The following WDR86 variants were observed in gnomAD, a reference collection of about 807,000 sequenced individuals.
WDR86 encodes the protein WD repeat-containing protein 86.
A neutral mutation model predicts 36.5 loss-of-function variants in WDR86; 30 were observed. The ratio of observed to expected loss-of-function variants is 0.82; its 90% CI spans 0.61 to 1.11. The LOEUF is 1.11. WDR86 is among the 50% of genes most tolerant of loss of function. WDR86 has a pLI of 0.00. For missense variants in WDR86, 545 were observed against 561.2 expected, an observed-to-expected ratio of 0.97 and a Z score of 0.29; for synonymous variants, 255 against 252.9, an observed-to-expected ratio of 1.01 and a Z score of -0.08.
downstream of WDR86, among the ~76,000 whole-genome samples, chr7:151,371,853 C>T (rs183881595): frequency 6.6e-6 from 1 of 152,242 alleles, no homozygotes. Flanking sequence ...CAATGATCCT[C>T]CTGCCAAGAG....
Position 151,381,456 on chromosome 7 carries a change from T to TCCCG in WDR86, c.*122_*125dup, listed in dbSNP as rs1004154494. ...ACCAGACGCCTGCGACGGGCTCTCC[T>TCCCG]CCCGCCCGGGCTTCCTCGCTCCTCG... On this transcript the variant is annotated 3_prime_UTR_variant, in exon 6 of 6. Coordinates refer to ENST00000334493, the MANE Select transcript of WDR86 (RefSeq NM_198285.3). The surrounding 1 kb of genome is among the most constrained non-coding windows in gnomAD (Gnocchi z 4.8). 2.9e-5 allele frequency: 43 copies of TCCCG among 1,490,042 alleles called. No individual in the cohort carries two copies. In the African/African-American group the frequency reaches 4.5e-4, roughly 16 times the overall value. 92.3% of individuals were successfully genotyped at this position (1,490,042 alleles called of 1,614,324 possible). A position where few individuals can be genotyped will look rare whatever the true frequency, so the allele number is the denominator to read the frequency against.
At chr7:151,387,703 G>A (rs1215979830) in intron 3 of WDR86, among the ~76,000 whole-genome samples, 4 of 152,172 alleles carry the variant, frequency 2.6e-5, no homozygotes, top group Non-Finnish European at 5.9e-5. Context: ...AGGGGTGGGA[G>A]AAGGCTGCAG....
At chr7:151,377,844 TAAAA>T (rs1273696226), downstream of WDR86, 2 of 152,236 alleles carry the variant, frequency 1.3e-5, no homozygotes, top group Non-Finnish European at 2.9e-5. Context: ...CTTAGTTCAG[TAAAA>T]TACGCCCCCG....
chr7:151,372,652 C>T (rs1798016022), downstream of WDR86, among the ~76,000 whole-genome samples: 1 of 152,070 alleles, frequency 6.6e-6, no homozygotes, highest in Non-Finnish European at 1.5e-5. Flanking sequence ...AGTTTCGAAG[C>T]ATTGTTGGGG....
At chr7:151,382,316 T>C (rs1008781761) in intron 4 of WDR86, among the ~76,000 whole-genome samples, 1 of 152,126 alleles carries the variant, frequency 6.6e-6, no homozygotes, top group Non-Finnish European at 1.5e-5. Context: ...CTCGAGTCGC[T>C]TCCCCCCTAC....
chr7:151,385,712 C>T (rs750538364), intron 3 of WDR86, among the ~76,000 whole-genome samples: 2 of 152,122 alleles, frequency 1.3e-5, no homozygotes, highest in East Asian at 3.9e-4. Flanking sequence ...GGGACTGTCA[C>T]GGGGTCACTG....
At chr7:151,396,769 G>A (rs1442357831) in intron 2 of WDR86, among the ~76,000 whole-genome samples, 1 of 152,196 alleles carries the variant, frequency 6.6e-6, no homozygotes, top group African/African-American at 2.4e-5. Flanking sequence ...GGGTGCTTGT[G>A]GGAGGCACAG....
chr7:151,402,070 A>ATATATATATATATAT (rs1554425363), intron 1 of WDR86, among the ~76,000 whole-genome samples: 6 of 50,532 alleles, frequency 1.2e-4, no homozygotes, highest in South Asian at 4.9e-4. Context: ...AAAAAAAAAA[A>ATATATATATATATAT]ATATATATAT....
downstream of WDR86, chr7:151,377,090 C>T (rs190514928): frequency 9.5e-4 from 1,495 of 1,578,936 alleles, 4 homozygotes; most frequent in Non-Finnish European, 1.2e-3. Flanking sequence ...AGACAGAGGC[C>T]GTCAATGAGA....
chr7:151,383,329 C>G (rs200593985), intron 4 of WDR86, among the ~76,000 whole-genome samples: 47 of 152,074 alleles, frequency 3.1e-4, no homozygotes, highest in Non-Finnish European at 5.3e-4. Flanking sequence ...CAAAAATTAG[C>G]TGGGTGTGGT....
Position 151,408,970 on chromosome 7 carries a change from CAAGCGTCTACT to C in WDR86, c.163+446_163+456del, listed in dbSNP as rs1196071872. 5 of 474,242 alleles carry C rather than the reference CAAGCGTCTACT, an allele frequency of 1.1e-5. No homozygotes were observed. The Admixed American group carries it at 1.2e-4, about 11-fold the overall frequency. 29.4% of individuals were successfully genotyped at this position (474,242 alleles called of 1,614,324 possible). A position where few individuals can be genotyped will look rare whatever the true frequency, so the allele number is the denominator to read the frequency against. Reference sequence around the variant, plus strand: ...ACTTCTCCGCACCGCTGGCCCTTAACAAGCGTCTACTGTTGCTGTGAGAGTCGTCAACAGGA... The same window carrying C: ...ACTTCTCCGCACCGCTGGCCCTTAACGTTGCTGTGAGAGTCGTCAACAGGA... On this transcript the variant is annotated intron_variant, in intron 1 of 5. Coordinates refer to ENST00000334493, the MANE Select transcript of WDR86 (RefSeq NM_198285.3).
chr7:151,404,598 G>A lies in WDR86; in HGVS notation c.164-4357C>T, dbSNP rs150027841. Among the ~76,000 whole-genome samples the A allele has an allele frequency of 3.6e-3, 548 of 152,362 alleles. 3 individuals are homozygous for A. The highest frequency in any genetic ancestry group is 0.012 in the African/African-American group (491 of 41,588). On this transcript the variant is annotated intron_variant, in intron 1 of 5. Transcript: ENST00000334493. ...CCCGAGGACCCTAGGACAGAAGAGG[G>A]AAGGCATGGGGGTGGGCTCATCACA...
intron 3 of WDR86, among the ~76,000 whole-genome samples, chr7:151,387,690 C>T (rs1461819771): frequency 7.9e-5 from 12 of 152,128 alleles, no homozygotes; most frequent in Admixed American, 7.9e-4. Context: ...AAGGGAGCCC[C>T]GCAGGGGTGG....
At chr7:151,403,968 G>A (rs1800525857) in intron 1 of WDR86, among the ~76,000 whole-genome samples, 1 of 152,186 alleles carries the variant, frequency 6.6e-6, no homozygotes, top group South Asian at 2.1e-4. Context: ...ACGCATCTCA[G>A]CCCCAGGAAG....
downstream of WDR86, chr7:151,377,588 C>T: frequency 6.3e-6 from 1 of 157,824 alleles, no homozygotes. Flanking sequence ...GCTTCCTCTC[C>T]AGCTGTGGCT....
intron 4 of WDR86, among the ~76,000 whole-genome samples, chr7:151,383,710 C>T (rs1364576881): frequency 9.2e-5 from 14 of 152,220 alleles, no homozygotes; most frequent in South Asian, 4.1e-4. Context: ...TGCCTTCCCC[C>T]CACAAACTCA....
chr7:151,381,486 TCGCCGGC>T lies in WDR86; in HGVS notation c.*89_*95del. On this transcript the variant is annotated 3_prime_UTR_variant, in exon 6 of 6. Coordinates refer to ENST00000334493, the MANE Select transcript of WDR86 (RefSeq NM_198285.3). This position sits in a 1 kb window ranked among gnomAD's most constrained non-coding sequence, Gnocchi z 4.8. ...CCCGGGCTTCCTCGCTCCTCGCCCC[TCGCCGGC>T]CATCGGGCGCCACCACCGCGGGTAG... is the stretch of plus-strand genomic sequence containing the variant. 1 of 1,464,772 alleles carries T rather than the reference TCGCCGGC, an allele frequency of 6.8e-7. No homozygotes were observed. The highest frequency in any genetic ancestry group is 3.0e-5 in the East Asian group (1 of 33,602). 90.7% of individuals were successfully genotyped at this position (1,464,772 alleles called of 1,614,324 possible). A position where few individuals can be genotyped will look rare whatever the true frequency, so the allele number is the denominator to read the frequency against.
intron 3 of WDR86, 193 bp from the exon 4 acceptor site, chr7:151,385,416 A>C: frequency 2.1e-6 from 2 of 966,498 alleles, no homozygotes; most frequent in Non-Finnish European, 3.0e-6. Flanking sequence ...CTCCTGCCCC[A>C]TGGGGCAGCC....
At chr7:151,395,608 T>A (rs1243593145) in intron 3 of WDR86, among the ~76,000 whole-genome samples, 168 bp downstream of exon 3, 1 of 152,048 alleles carries the variant, frequency 6.6e-6, no homozygotes, top group Non-Finnish European at 1.5e-5. Flanking sequence ...GCGGACCCCT[T>A]ATCTTGGATT....
Sources: allele counts gnomAD v4.1 joint callset (sites outside exome capture counted in the v4.1 genomes callset), GRCh38; gene constraint gnomAD v4.1.1; non-coding constraint Gnocchi (gnomAD v3.1); transcripts MANE v1.5; gene names NCBI Gene and HGNC (gene_info 2026-07-23, HGNC 2026-07-21).